Variants in ADK observed in about 807,000 individuals in gnomAD.
ADK encodes adenosine kinase.
In ADK, 24 loss-of-function variants were observed where a neutral mutation model predicts 44.7. That is an observed-to-expected ratio of 0.54 (90% CI 0.39 to 0.76). The LOEUF (loss-of-function observed/expected upper bound fraction) is 0.76, where lower values mean the gene tolerates loss of function less well. Among genes scored for constraint, ADK ranks in the 30% least tolerant of loss-of-function variants. The probability of loss-of-function intolerance (pLI) is 0.00; values close to 1 mark genes in which losing one functional copy is unlikely to be tolerated. For missense variants in ADK, 321 were observed against 425.1 expected, an observed-to-expected ratio of 0.76 and a Z score of 2.15; for synonymous variants, 128 against 142.6, an observed-to-expected ratio of 0.90 and a Z score of 0.73.
At chr10:74,246,876 G>A (rs7099494) in intron 3 of ADK, among the ~76,000 whole-genome samples, 1 of 151,876 alleles carries the variant, frequency 6.6e-6, no homozygotes, top group South Asian at 2.1e-4. Flanking sequence ...TCACTAAGAT[G>A]TTTTTTAGTT....
intron 7 of ADK, among the ~76,000 whole-genome samples, chr10:74,567,855 C>T (rs994064521): frequency 5.9e-5 from 9 of 151,962 alleles, no homozygotes; most frequent in Admixed American, 1.3e-4. Flanking sequence ...CCTGCCACCA[C>T]GCCCAGCTAA....
intron 1 of ADK, among the ~76,000 whole-genome samples, chr10:74,189,734 C>T (rs565409062): frequency 5.5e-4 from 83 of 152,270 alleles, no homozygotes; most frequent in Admixed American, 3.1e-3. Flanking sequence ...AACCCATACC[C>T]GTTAGCAGTT....
intron 3 of ADK, among the ~76,000 whole-genome samples, chr10:74,253,524 C>T (rs1261436854): frequency 6.6e-6 from 1 of 152,034 alleles, no homozygotes; most frequent in East Asian, 1.9e-4. Flanking sequence ...TCAAGTCCTG[C>T]CTCCTAACTC....
chr10:74,572,274 G>T (rs559242992), intron 7 of ADK, among the ~76,000 whole-genome samples: 136 of 152,270 alleles, frequency 8.9e-4, no homozygotes, highest in Non-Finnish European at 1.5e-3. Context: ...GCTTAGTTTG[G>T]CTGGATATGA....
intron 5 of ADK, among the ~76,000 whole-genome samples, chr10:74,394,876 A>ATATTTC (rs530528811): frequency 2.0e-3 from 307 of 152,308 alleles, no homozygotes; most frequent in Non-Finnish European, 2.6e-3. Flanking sequence ...ACAACCAAGT[A>ATATTTC]TATTTCTATA....
At chr10:74,691,367 T>C (rs1020410128) in intron 10 of ADK, among the ~76,000 whole-genome samples, 4 of 152,210 alleles carry the variant, frequency 2.6e-5, no homozygotes, top group Admixed American at 6.6e-5. Context: ...AGAACAAAGG[T>C]AATTACATGA....
chr10:74,160,242 G>A (rs983516719), intron 1 of ADK, among the ~76,000 whole-genome samples: 2 of 152,162 alleles, frequency 1.3e-5, no homozygotes, highest in Non-Finnish European at 2.9e-5. Context: ...CATTGCCACG[G>A]CAACACCCAG....
At chr10:74,527,054 A>T (rs1849069755) in intron 7 of ADK, among the ~76,000 whole-genome samples, 1 of 152,172 alleles carries the variant, frequency 6.6e-6, no homozygotes, top group Non-Finnish European at 1.5e-5. Context: ...TAAAACTTTT[A>T]AAAAAGATAA....
intron 6 of ADK, among the ~76,000 whole-genome samples, chr10:74,513,053 G>A (rs1176240789): frequency 2.0e-5 from 3 of 151,954 alleles, no homozygotes; most frequent in African/African-American, 4.8e-5. Flanking sequence ...TAATTTTCAT[G>A]TAATGGTATA....
intron 10 of ADK, among the ~76,000 whole-genome samples, chr10:74,691,805 T>C (rs1033350300): frequency 6.6e-6 from 1 of 152,138 alleles, no homozygotes; most frequent in Admixed American, 6.5e-5. Context: ...TACTAAGAAT[T>C]TTTTTTAATT....
intron 2 of ADK, among the ~76,000 whole-genome samples, chr10:74,222,462 A>G (rs1432629860): frequency 6.6e-6 from 1 of 151,890 alleles, no homozygotes; most frequent in Non-Finnish European, 1.5e-5. Context: ...GCGATTCCTC[A>G]GGGATCTAGA....
At chr10:74,501,308 T>G (rs1215657017) in intron 6 of ADK, among the ~76,000 whole-genome samples, 1 of 152,202 alleles carries the variant, frequency 6.6e-6, no homozygotes, top group Non-Finnish European at 1.5e-5. Context: ...TCAAGATCAC[T>G]TGTATTCTCT....
At chr10:74,399,315 T>A (rs1843629920) in intron 6 of ADK, among the ~76,000 whole-genome samples, 1 of 151,284 alleles carries the variant, frequency 6.6e-6, no homozygotes, top group African/African-American at 2.4e-5. Flanking sequence ...TGCCATTTCA[T>A]TACCTGAGCT....
chr10:74,631,464 T>G (rs774418581), intron 9 of ADK, among the ~76,000 whole-genome samples: 2 of 150,772 alleles, frequency 1.3e-5, no homozygotes, highest in East Asian at 1.9e-4. Context: ...TCCATGTTGG[T>G]CAGGAATGGT....
intron 7 of ADK, among the ~76,000 whole-genome samples, chr10:74,574,351 A>T (rs2133869978): frequency 6.6e-6 from 1 of 151,954 alleles, no homozygotes; most frequent in South Asian, 2.1e-4. Context: ...TTGTATTTTT[A>T]GTAGAGACGG....
intron 2 of ADK, among the ~76,000 whole-genome samples, chr10:74,223,622 T>G (rs1338051315): frequency 6.6e-6 from 1 of 152,168 alleles, no homozygotes; most frequent in Non-Finnish European, 1.5e-5. Context: ...TATCTATTTC[T>G]GTGTACCCTT....
At chr10:74,521,519 C>A (rs896947842) in intron 6 of ADK, among the ~76,000 whole-genome samples, 5 of 152,130 alleles carry the variant, frequency 3.3e-5, no homozygotes, top group African/African-American at 1.2e-4. Context: ...AATTATTTGA[C>A]CAGGTTACTA....
At chr10:74,554,927 G>GT (rs1475101361) in intron 7 of ADK, among the ~76,000 whole-genome samples, 6 of 152,116 alleles carry the variant, frequency 3.9e-5, no homozygotes, top group African/African-American at 1.4e-4. Context: ...AGTCTTTGTG[G>GT]TAAGCAATTC....
chr10:74,574,116 G>A (rs1324641247), intron 7 of ADK, among the ~76,000 whole-genome samples: 2 of 151,524 alleles, frequency 1.3e-5, no homozygotes, highest in Admixed American at 6.6e-5. Context: ...ACTGGGAGCT[G>A]TAGACTGGAG....
Sources: gnomAD v4.1 joint callset for allele counts (sites outside exome capture counted in the v4.1 genomes callset) on GRCh38, gnomAD v4.1.1 for gene constraint, MANE v1.5 for transcripts, NCBI Gene and HGNC (gene_info 2026-07-23, HGNC 2026-07-21) for gene names.